SCAI: variants seen among roughly 807,000 people sequenced by gnomAD.
SCAI encodes the protein protein SCAI.
In SCAI, 24 loss-of-function variants were observed where a neutral mutation model predicts 92.2. The ratio of observed to expected loss-of-function variants is 0.26; its 90% CI spans 0.19 to 0.37. The LOEUF (loss-of-function observed/expected upper bound fraction) is 0.37. Ranked by LOEUF, SCAI falls within the 10% of genes least tolerant of loss-of-function variation. The pLI is 1.00. For missense variants in SCAI, 450 were observed against 736.2 expected, an observed-to-expected ratio of 0.61 and a Z score of 4.50; for synonymous variants, 261 against 258.6, an observed-to-expected ratio of 1.01 and a Z score of -0.09.
chr9:125,064,404 C>T (rs1270020782), intron 2 of SCAI, among the ~76,000 whole-genome samples: 3 of 152,156 alleles, frequency 2.0e-5, no homozygotes, highest in African/African-American at 7.2e-5. Flanking sequence ...TACTAATTCT[C>T]ATACTCCATC....
At chr9:125,042,619 G>GTGTGTT in intron 3 of SCAI, among the ~76,000 whole-genome samples, 1 of 98,470 alleles carries the variant, frequency 1.0e-5, no homozygotes, top group African/African-American at 4.6e-5. Flanking sequence ...CAGAGTATGT[G>GTGTGTT]TGTGTGTGTG....
intron 2 of SCAI, among the ~76,000 whole-genome samples, chr9:125,100,973 C>T (rs1834665858): frequency 6.6e-6 from 1 of 152,024 alleles, no homozygotes. Flanking sequence ...GCCTACAATC[C>T]CAGCTATTCA....
chr9:125,011,291 T>A (rs1348413761), intron 9 of SCAI, among the ~76,000 whole-genome samples: 1 of 152,016 alleles, frequency 6.6e-6, no homozygotes, highest in East Asian at 1.9e-4. Context: ...TTGAAAAAAA[T>A]TTAGACTAAT....
rs535960192 is a variant in SCAI at position 125,138,440 on chromosome 9, G to A, written c.98+4193C>T. ...CCAGCCAATTTTTTTTTTTTGAGGC[G>A]GAGTCTCGCTGTCGCCCAGGCTGGA... On this transcript the variant is annotated intron_variant, in intron 2 of 17. Transcript: ENST00000336505. Among the ~76,000 whole-genome samples, 6 of 150,722 alleles carry A rather than the reference G, an allele frequency of 4.0e-5. No homozygotes were observed. In the East Asian group the frequency reaches 7.8e-4, roughly 20 times the overall value.
chr9:124,990,186 A>G (rs1440727291), intron 14 of SCAI, among the ~76,000 whole-genome samples: 2 of 152,014 alleles, frequency 1.3e-5, no homozygotes, highest in African/African-American at 2.4e-5. Flanking sequence ...AAAAAGAAAA[A>G]AAAAGAAATA....
chr9:125,012,704 ACC>A (rs1038971514), intron 9 of SCAI, among the ~76,000 whole-genome samples: 11 of 152,246 alleles, frequency 7.2e-5, no homozygotes, highest in African/African-American at 2.4e-4. Context: ...AGAACTCTCC[ACC>A]CCAAATCAAC....
intron 1 of SCAI, 135 bp from the exon 2 acceptor site, chr9:125,142,812 C>A: frequency 1.4e-6 from 1 of 709,360 alleles, no homozygotes; most frequent in South Asian, 1.6e-5. Context: ...TCTGACCTTA[C>A]AAACGCCTCA....
At chr9:125,013,052 C>A (rs1440000424) in intron 9 of SCAI, among the ~76,000 whole-genome samples, 1 of 151,944 alleles carries the variant, frequency 6.6e-6, no homozygotes, top group Non-Finnish European at 1.5e-5. Flanking sequence ...AAATTTATAG[C>A]ACTAAATGCC....
At chr9:125,081,731 C>T (rs1242646007) in intron 2 of SCAI, among the ~76,000 whole-genome samples, 1 of 152,080 alleles carries the variant, frequency 6.6e-6, no homozygotes, top group Non-Finnish European at 1.5e-5. Flanking sequence ...TGCTGCCAGG[C>T]CCAGCTAATT....
chr9:125,080,513 C>G (rs2131179269), intron 2 of SCAI, among the ~76,000 whole-genome samples: 1 of 152,130 alleles, frequency 6.6e-6, no homozygotes, highest in Admixed American at 6.5e-5. Context: ...ATTATGAGAC[C>G]CAAAAGAATC....
intron 2 of SCAI, among the ~76,000 whole-genome samples, chr9:125,086,714 G>C (rs1834331302): frequency 6.6e-6 from 1 of 152,162 alleles, no homozygotes; most frequent in Admixed American, 6.5e-5. Context: ...ACCAGCATAG[G>C]GGCAAGAGTG....
chr9:125,054,619 C>G (rs1031030387), intron 3 of SCAI, among the ~76,000 whole-genome samples: 1 of 151,606 alleles, frequency 6.6e-6, no homozygotes, highest in Non-Finnish European at 1.5e-5. Flanking sequence ...ATTTAAACCC[C>G]AGGCATACCA....
At chr9:125,015,891 G>C (rs1023556256) in intron 9 of SCAI, among the ~76,000 whole-genome samples, 6 of 151,914 alleles carry the variant, frequency 3.9e-5, no homozygotes, top group Non-Finnish European at 7.4e-5. Context: ...GGACATGGAT[G>C]AAATTGGAAA....
intron 3 of SCAI, among the ~76,000 whole-genome samples, chr9:125,042,634 T>TGTGTGTGTGTGTGTAC (rs761672178): frequency 1.0e-5 from 1 of 96,212 alleles, no homozygotes; most frequent in East Asian, 3.4e-4. Context: ...TGTGTGTGTG[T>TGTGTGTGTGTGTGTAC]ACACACACAC....
chr9:125,015,020 C>CA (rs1832724237), intron 9 of SCAI, among the ~76,000 whole-genome samples: 1 of 152,070 alleles, frequency 6.6e-6, no homozygotes, highest in East Asian at 1.9e-4. Context: ...ACACCTTATA[C>CA]AAAAATTAAT....
chr9:125,072,126 C>T (rs899298827), intron 2 of SCAI, among the ~76,000 whole-genome samples: 3 of 151,662 alleles, frequency 2.0e-5, no homozygotes, highest in Non-Finnish European at 1.5e-5. Flanking sequence ...CAGGTTCAAG[C>T]GGTTCTCCTG....
At chr9:125,109,002 G>C (rs1196604818) in intron 2 of SCAI, among the ~76,000 whole-genome samples, 1 of 152,208 alleles carries the variant, frequency 6.6e-6, no homozygotes, top group African/African-American at 2.4e-5. Flanking sequence ...ACTCCATTTT[G>C]TTCTGTACTA....
At chr9:124,970,793 G>A (rs1159847060) in intron 17 of SCAI, among the ~76,000 whole-genome samples, 2 of 152,020 alleles carry the variant, frequency 1.3e-5, no homozygotes, top group African/African-American at 4.8e-5. Context: ...GATCAGGGAT[G>A]TATTGAAAAT....
intron 2 of SCAI, among the ~76,000 whole-genome samples, chr9:125,113,663 AT>A (rs36106766): frequency 1.0e-3 from 138 of 135,240 alleles, no homozygotes; most frequent in Admixed American, 1.1e-3. Context: ...AAGTATAAAG[AT>A]TTTTTTTTTT....
Sources: allele counts gnomAD v4.1 joint callset (sites outside exome capture counted in the v4.1 genomes callset), GRCh38; gene constraint gnomAD v4.1.1; transcripts MANE v1.5; gene names NCBI Gene and HGNC (gene_info 2026-07-23, HGNC 2026-07-21).